The following CTNND2 variants were observed in gnomAD, a reference collection of about 807,000 sequenced individuals.
CTNND2 encodes the protein catenin delta-2.
Under a neutral mutation model 144.4 loss-of-function variants are expected in CTNND2, and 22 were observed. The observed-to-expected ratio is 0.15, with a 90% CI of 0.11 to 0.22. The LOEUF is 0.22. Among genes scored for constraint, CTNND2 ranks in the 10% least tolerant of loss-of-function variants. The pLI, the probability that CTNND2 is intolerant of heterozygous loss-of-function variation, is 1.00. For missense variants in CTNND2, 1,353 were observed against 1,618.8 expected (o/e 0.84, Z 2.82); for synonymous variants, 751 against 695.6 (o/e 1.08, Z -1.25).
At chr5:11,725,634 CAT>C (rs1347535185) in intron 2 of CTNND2, among the ~76,000 whole-genome samples, 1 of 151,932 alleles carries the variant, frequency 6.6e-6, no homozygotes, top group African/African-American at 2.4e-5. Flanking sequence ...TGAAGTAAAA[CAT>C]AAAGTCTCAG....
intron 9 of CTNND2, among the ~76,000 whole-genome samples, chr5:11,279,446 C>G (rs1746890454): frequency 6.6e-6 from 1 of 152,082 alleles, no homozygotes; most frequent in Non-Finnish European, 1.5e-5. Context: ...GGTGCCCCAT[C>G]ATCTCTGTTC....
chr5:11,711,811 C>G (rs556775217), intron 2 of CTNND2, among the ~76,000 whole-genome samples: 1 of 152,294 alleles, frequency 6.6e-6, no homozygotes, highest in African/African-American at 2.4e-5. Flanking sequence ...CTTAAGTATG[C>G]TAACTTATCT....
chr5:11,197,807 C>G (rs963105694), intron 11 of CTNND2, among the ~76,000 whole-genome samples: 2 of 152,228 alleles, frequency 1.3e-5, no homozygotes, highest in African/African-American at 4.8e-5. Context: ...CATCATTCAT[C>G]TCAACCTTTG....
Position 11,623,170 on chromosome 5 carries a change from A to G in CTNND2, c.175-58114T>C, listed in dbSNP as rs115726512. Among the ~76,000 whole-genome samples, 721 of 152,274 alleles carry G rather than the reference A, an allele frequency of 4.7e-3. 3 individuals carry two copies. Among genetic ancestry groups the G allele is most frequent in the Non-Finnish European group, 7.6e-3 (517 of 68,004 alleles). Reference sequence around the variant, plus strand: ...TTATTTTAGAGGAAAAACAATATCAAATCGGTAGAAGTGTTCATAACTTTG... The same window carrying G: ...TTATTTTAGAGGAAAAACAATATCAGATCGGTAGAAGTGTTCATAACTTTG... On this transcript the variant is annotated intron_variant, in intron 2 of 21. Coordinates refer to ENST00000304623, the MANE Select transcript of CTNND2 (RefSeq NM_001332.4).
At chr5:11,735,617 G>T (rs546996532) in intron 1 of CTNND2, among the ~76,000 whole-genome samples, 1 of 152,280 alleles carries the variant, frequency 6.6e-6, no homozygotes, top group Admixed American at 6.5e-5. Flanking sequence ...CAGGTGGGAG[G>T]TAATTAAATC....
intron 9 of CTNND2, among the ~76,000 whole-genome samples, chr5:11,266,439 A>G (rs376135469): frequency 3.3e-4 from 50 of 152,334 alleles, no homozygotes; most frequent in African/African-American, 1.1e-3. Context: ...CTCTGCTGTA[A>G]TAAGTGCCAC....
rs188754513 is a variant in CTNND2, at chr5:11,653,244, C to T, written c.174+78892G>A. ...CTCTTTGGCATACTGATTTTAATTC[C>T]TTTTTTAATAGTCCCACATATACCC... On this transcript the variant is annotated intron_variant, in intron 2 of 21. Coordinates refer to ENST00000304623, the MANE Select transcript of CTNND2 (RefSeq NM_001332.4). Among the ~76,000 whole-genome samples the T allele has an allele frequency of 5.0e-3, 754 of 152,062 alleles. 7 individuals carry two copies. Among genetic ancestry groups the T allele is most frequent in the African/African-American group, 0.017 (715 of 41,496 alleles).
At chr5:11,845,700 C>G (rs1794701381) in intron 1 of CTNND2, among the ~76,000 whole-genome samples, 1 of 152,192 alleles carries the variant, frequency 6.6e-6, no homozygotes, top group African/African-American at 2.4e-5. Context: ...TGCTTTGTTA[C>G]AGAAGGGCTA....
chr5:11,662,384 GGA>G (rs1783317887), intron 2 of CTNND2, among the ~76,000 whole-genome samples: 1 of 151,556 alleles, frequency 6.6e-6, no homozygotes, highest in Middle Eastern at 3.2e-3. Flanking sequence ...TGAGGAGCAA[GGA>G]AGCCAGTCTG....
chr5:11,472,594 C>T (rs1406692398), intron 3 of CTNND2, among the ~76,000 whole-genome samples: 1 of 152,138 alleles, frequency 6.6e-6, no homozygotes, highest in Admixed American at 6.5e-5. Context: ...TAAGTTTCTG[C>T]ATTTCAATCT....
intron 1 of CTNND2, among the ~76,000 whole-genome samples, chr5:11,757,087 G>A (rs1788984745): frequency 1.3e-5 from 2 of 151,036 alleles, no homozygotes; most frequent in African/African-American, 2.4e-5. Context: ...ATATTTTATG[G>A]GTATTCTGCT....
At chr5:11,725,026 G>A (rs920195836) in intron 2 of CTNND2, among the ~76,000 whole-genome samples, 1 of 152,100 alleles carries the variant, frequency 6.6e-6, no homozygotes, top group Non-Finnish European at 1.5e-5. Context: ...CTTGTCCTTA[G>A]TGAAAAAGGA....
chr5:11,250,491 C>CTCTCTATATATATATATATATATA (rs869141186), intron 9 of CTNND2, among the ~76,000 whole-genome samples: 16 of 64,110 alleles, frequency 2.5e-4, no homozygotes, highest in Non-Finnish European at 3.2e-4. Flanking sequence ...CTCTCTCTCT[C>CTCTCTATATATATATATATATATA]TATATATATA....
chr5:11,372,083 C>T (rs1055630318), intron 7 of CTNND2, among the ~76,000 whole-genome samples: 2 of 152,112 alleles, frequency 1.3e-5, no homozygotes, highest in African/African-American at 4.8e-5. Flanking sequence ...GAATTTGTTC[C>T]CATAACTTTG....
At chr5:11,477,856 T>C (rs1391253752) in intron 3 of CTNND2, among the ~76,000 whole-genome samples, 1 of 152,184 alleles carries the variant, frequency 6.6e-6, no homozygotes, top group East Asian at 1.9e-4. Flanking sequence ...AAGAGAATGT[T>C]GTTATGAATA....
chr5:11,645,451 A>G (rs1456972062), intron 2 of CTNND2, among the ~76,000 whole-genome samples: 1 of 152,224 alleles, frequency 6.6e-6, no homozygotes, highest in Non-Finnish European at 1.5e-5. Flanking sequence ...TATTTGCCTA[A>G]AAAGGTTAAA....
intron 2 of CTNND2, among the ~76,000 whole-genome samples, chr5:11,616,837 C>A (rs185826188): frequency 6.6e-6 from 1 of 152,260 alleles, no homozygotes; most frequent in Admixed American, 6.5e-5. Flanking sequence ...AAATTCCTGG[C>A]CTCAAGTGAC....
intron 1 of CTNND2, among the ~76,000 whole-genome samples, chr5:11,799,650 GCT>G (rs1791576762): frequency 6.6e-6 from 1 of 152,022 alleles, no homozygotes; most frequent in Admixed American, 6.6e-5. Flanking sequence ...TCCCCCCCTT[GCT>G]CTGTCCATAT....
chr5:11,146,775 TTC>T (rs1561381857), intron 12 of CTNND2, among the ~76,000 whole-genome samples: 2 of 152,170 alleles, frequency 1.3e-5, no homozygotes, highest in African/African-American at 2.4e-5. Context: ...GGAAAATATA[TTC>T]TGTTTGATAA....
Sources: gnomAD v4.1 joint callset for allele counts (sites outside exome capture counted in the v4.1 genomes callset) on GRCh38, gnomAD v4.1.1 for gene constraint, MANE v1.5 for transcripts, NCBI Gene and HGNC (gene_info 2026-07-23, HGNC 2026-07-21) for gene names.